The following LARGE1 variants were observed in gnomAD, a reference collection of about 807,000 sequenced individuals.
LARGE1 encodes the protein LARGE xylosyl- and glucuronyltransferase 1.
Under a neutral mutation model 87.6 loss-of-function variants are expected in LARGE1, and 43 were observed. The observed-to-expected ratio is 0.49, with a 90% CI of 0.38 to 0.63. The LOEUF is 0.63. LARGE1 is among the 30% of genes least tolerant of loss of function. LARGE1 has a pLI of 0.00. For synonymous variants in LARGE1, 434 were observed against 394.6 expected, an observed-to-expected ratio of 1.10 and a Z score of -1.18; for missense variants, 802 against 1,000.2, an observed-to-expected ratio of 0.80 and a Z score of 2.67.
intron 1 of LARGE1, among the ~76,000 whole-genome samples, chr22:33,863,999 G>A (rs1350045887): frequency 1.3e-5 from 2 of 152,182 alleles, no homozygotes; most frequent in Non-Finnish European, 2.9e-5. Context: ...TGAATGTGAG[G>A]CATATGGAGC....
chr22:33,085,271 G>A, the LARGE1 span, among the ~76,000 whole-genome samples: 1 of 152,184 alleles, frequency 6.6e-6, no homozygotes, highest in Non-Finnish European at 1.5e-5. Flanking sequence ...GCGAGACTCC[G>A]TCTCAAAGAA....
At chr22:33,178,967 T>C (rs1302583448) in intron 11 of LARGE1, among the ~76,000 whole-genome samples, 2 of 152,202 alleles carry the variant, frequency 1.3e-5, no homozygotes, top group Non-Finnish European at 2.9e-5. Context: ...GATACCAGCA[T>C]CTGGTGAGGA....
intron 11 of LARGE1, among the ~76,000 whole-genome samples, chr22:33,313,229 C>T (rs187889304): frequency 1.6e-4 from 25 of 152,274 alleles, no homozygotes; most frequent in African/African-American, 5.5e-4. Flanking sequence ...ACATGCTGCA[C>T]GCTCTATCTC....
chr22:33,367,004 T>TA (rs1319411179), intron 9 of LARGE1, among the ~76,000 whole-genome samples: 4 of 152,256 alleles, frequency 2.6e-5, no homozygotes, highest in Non-Finnish European at 5.9e-5. Flanking sequence ...GGCTAGAAGA[T>TA]AATCTAAACT....
At position 33,834,995 on chromosome 22, in the gene LARGE1, C is replaced by G. The variant is rs945198730; in HGVS notation, c.-82-73437G>C. On this transcript the variant is annotated intron_variant, in intron 1 of 14. Coordinates refer to ENST00000397394, the MANE Select transcript of LARGE1 (RefSeq NM_133642.5). ...TTTCCCATGCAGGATAATTTTTGCT[C>G]TAAAGTTTGAGGCCAAAGCTATTTC... Among the ~76,000 whole-genome samples the G allele has an allele frequency of 1.7e-4, 21 of 122,128 alleles. No individual in the cohort carries two copies. In the Admixed American group the frequency reaches 1.8e-3, roughly 10 times the overall value. 80.1% of individuals were successfully genotyped at this position (122,128 alleles called of 152,430 possible).
At chr22:33,268,249 C>T (rs1480216288), downstream of LARGE1, among the ~76,000 whole-genome samples, 2 of 151,200 alleles carry the variant, frequency 1.3e-5, no homozygotes, top group Non-Finnish European at 2.9e-5. Context: ...CCACCATGCC[C>T]GGCCCGCAAA....
the LARGE1 span, among the ~76,000 whole-genome samples, chr22:33,135,796 C>T: frequency 3.9e-4 from 59 of 152,182 alleles, no homozygotes; most frequent in African/African-American, 1.3e-3. Flanking sequence ...GCTGAAATTG[C>T]TCTACCGCAC....
At chr22:33,277,804 C>T (rs1046323696) in intron 13 of LARGE1, among the ~76,000 whole-genome samples, 3 of 152,188 alleles carry the variant, frequency 2.0e-5, no homozygotes, top group Admixed American at 2.0e-4. Context: ...ATCCCATCTG[C>T]TATCTGCACA....
intron 6 of LARGE1, among the ~76,000 whole-genome samples, chr22:33,441,589 G>A (rs76590281): frequency 0.057 from 8,683 of 152,042 alleles, 313 homozygotes; most frequent in Non-Finnish European, 0.079. Flanking sequence ...GAGCAGCTAC[G>A]GGACTACAGG....
chr22:33,108,433 A>G, the LARGE1 span: 9 of 152,174 alleles, frequency 5.9e-5, no homozygotes, highest in African/African-American at 2.2e-4. Flanking sequence ...TGCAGAAGGA[A>G]AAGGAGTTTG....
At chr22:33,221,188 G>A (rs868723694) in intron 11 of LARGE1, among the ~76,000 whole-genome samples, 42 of 123,798 alleles carry the variant, frequency 3.4e-4, no homozygotes, top group African/African-American at 1.5e-3. Context: ...AGAGAGAGAG[G>A]GAATAACACA....
upstream of LARGE1, among the ~76,000 whole-genome samples, chr22:33,920,725 CCCGCCGCCGGGAGCGCTCGCCGGCCTTGG>C (rs2065923913): frequency 1.4e-5 from 2 of 144,914 alleles, no homozygotes; most frequent in South Asian, 4.2e-4. Context: ...GCGGGCGGCC[CCCGCCGCCGGGAGCGCTCGCCGGCCTTGG>C]CCGCCGCCGC....
intron 11 of LARGE1, among the ~76,000 whole-genome samples, chr22:33,244,056 T>A (rs1926642161): frequency 6.6e-6 from 1 of 152,190 alleles, no homozygotes; most frequent in African/African-American, 2.4e-5. Flanking sequence ...TGGCGCGATC[T>A]CGGCTCACTG....
intron 1 of LARGE1, among the ~76,000 whole-genome samples, chr22:33,790,489 C>A (rs1171733427): frequency 6.6e-6 from 1 of 151,936 alleles, no homozygotes; most frequent in Non-Finnish European, 1.5e-5. Flanking sequence ...TTCTTTAAGT[C>A]CAAAATATTT....
chr22:33,912,064 C>T (rs2065653859), intron 1 of LARGE1, among the ~76,000 whole-genome samples: 1 of 152,166 alleles, frequency 6.6e-6, no homozygotes, highest in Admixed American at 6.5e-5. Context: ...AGGTAAAGCC[C>T]CACCGGCCTA....
chr22:33,414,431 T>C (rs887921214), intron 7 of LARGE1, among the ~76,000 whole-genome samples: 1 of 152,048 alleles, frequency 6.6e-6, no homozygotes, highest in African/African-American at 2.4e-5. Context: ...GTGTGTGCCA[T>C]AGGCCTTGGG....
the LARGE1 span, among the ~76,000 whole-genome samples, chr22:33,082,719 C>A: frequency 6.6e-6 from 1 of 152,290 alleles, no homozygotes; most frequent in South Asian, 2.1e-4. Context: ...AGATAGTTAG[C>A]AACAGACAAG....
At chr22:33,643,526 T>G (rs2080509329) in intron 3 of LARGE1, among the ~76,000 whole-genome samples, 1 of 151,842 alleles carries the variant, frequency 6.6e-6, no homozygotes, top group Non-Finnish European at 1.5e-5. Flanking sequence ...AAGAAATAAC[T>G]AAGATCAGAG....
chr22:33,515,127 A>T (rs5998980), intron 6 of LARGE1, among the ~76,000 whole-genome samples: 4,567 of 152,132 alleles, frequency 0.03, 93 homozygotes, highest in African/African-American at 0.044. Flanking sequence ...CTAAAAAAAA[A>T]AAAAATAAAA....
Sources: allele counts gnomAD v4.1 joint callset (sites outside exome capture counted in the v4.1 genomes callset), GRCh38; gene constraint gnomAD v4.1.1; transcripts MANE v1.5; gene names NCBI Gene and HGNC (gene_info 2026-07-23, HGNC 2026-07-21).